Variants in NLK observed in about 807,000 individuals in gnomAD.
NLK encodes serine/threonine-protein kinase NLK.
Under a neutral mutation model 59.0 loss-of-function variants are expected in NLK, and 11 were observed. That is an observed-to-expected ratio of 0.19 (90% CI 0.12 to 0.31). The LOEUF (loss-of-function observed/expected upper bound fraction) is 0.31, where lower values mean the gene tolerates loss of function less well. Among genes scored for constraint, NLK ranks in the 10% least tolerant of loss-of-function variants. The probability of loss-of-function intolerance (pLI) is 1.00; values close to 1 mark genes in which losing one functional copy is unlikely to be tolerated. For missense variants in NLK, 410 were observed against 661.1 expected (o/e 0.62, Z 4.16); for synonymous variants, 235 against 235.9 (o/e 1.00, Z 0.03).
chr17:28,053,500 C>G (rs1909332445), intron 1 of NLK, among the ~76,000 whole-genome samples: 1 of 152,078 alleles, frequency 6.6e-6, no homozygotes, highest in Non-Finnish European at 1.5e-5. Context: ...TCTTTTTATC[C>G]TCTCCGTATT....
intron 1 of NLK, among the ~76,000 whole-genome samples, chr17:28,043,841 A>C (rs1277740552): frequency 2.0e-5 from 3 of 152,220 alleles, no homozygotes; most frequent in Non-Finnish European, 2.9e-5. Flanking sequence ...TCATAGTTGA[A>C]CCAGTTAAGA....
intron 2 of NLK, among the ~76,000 whole-genome samples, chr17:28,129,311 G>T (rs1424158649): frequency 1.3e-5 from 2 of 152,078 alleles, no homozygotes; most frequent in Non-Finnish European, 1.5e-5. Context: ...AAGTTAGCCG[G>T]GCATGGTGGC....
chr17:28,168,314 T>G lies in NLK; in HGVS notation c.838-134T>G, dbSNP rs1242110317. 8.7e-4 allele frequency: 559 copies of G among 642,790 alleles called. 5 individuals carry two copies. The highest frequency in any genetic ancestry group is 1.9e-4 in the Non-Finnish European group (69 of 365,170). 39.8% of individuals were successfully genotyped at this position (642,790 alleles called of 1,614,324 possible). Reference sequence around the variant, plus strand: ...TTGTGCCACTGCACTCCAGCCTGGGTGACAGAGTGAGACTCCATCTCAAAA... The same window carrying G: ...TTGTGCCACTGCACTCCAGCCTGGGGGACAGAGTGAGACTCCATCTCAAAA... On this transcript the variant is annotated intron_variant, in intron 5 of 10. Transcript: ENST00000407008.
intron 3 of NLK, among the ~76,000 whole-genome samples, chr17:28,152,760 A>G (rs1907534374): frequency 6.6e-6 from 1 of 151,884 alleles, no homozygotes; most frequent in African/African-American, 2.4e-5. Flanking sequence ...AGTAGCCGGG[A>G]CTACAGGTGC....
chr17:28,115,091 G>A (rs997036355), intron 1 of NLK, among the ~76,000 whole-genome samples: 2 of 152,178 alleles, frequency 1.3e-5, no homozygotes, highest in African/African-American at 4.8e-5. Context: ...AGTGAGGCTA[G>A]TTCTGCAAGT....
Position 28,172,460 on chromosome 17 carries a change from G to A in NLK, c.1048-57G>A, listed in dbSNP as rs1908502281. 4.2e-6 allele frequency: 5 copies of A among 1,202,584 alleles called. No individual in the cohort carries two copies. In the South Asian group the frequency reaches 5.0e-5, roughly 12 times the overall value. The allele number at this position is 1,202,584 out of a possible 1,614,324, so 74.5% of individuals were successfully genotyped here. A position where few individuals can be genotyped will look rare whatever the true frequency, so the allele number is the denominator to read the frequency against. On this transcript the variant is annotated intron_variant, in intron 6 of 10. Coordinates refer to ENST00000407008, the MANE Select transcript of NLK (RefSeq NM_016231.5). Reference sequence around the variant, plus strand: ...ACTTCTCTAAGGCTATGATTTAAGAGTAATGAAAAGTTATTTCCATGAGAT... The same window carrying A: ...ACTTCTCTAAGGCTATGATTTAAGAATAATGAAAAGTTATTTCCATGAGAT...
At chr17:28,169,077 G>C (rs531477678) in intron 6 of NLK, among the ~76,000 whole-genome samples, 5 of 151,850 alleles carry the variant, frequency 3.3e-5, no homozygotes, top group Non-Finnish European at 5.9e-5. Context: ...GTAGAGACAG[G>C]GTTTTGCTGT....
intron 1 of NLK, among the ~76,000 whole-genome samples, chr17:28,084,159 ACTATGAACAC>A (rs1471349037): frequency 3.9e-5 from 6 of 152,196 alleles, no homozygotes; most frequent in Non-Finnish European, 8.8e-5. Context: ...TAGTTGCGTG[ACTATGAACAC>A]CTTCTTTTAA....
At chr17:28,086,075 C>A (rs1910507583) in intron 1 of NLK, among the ~76,000 whole-genome samples, 1 of 152,116 alleles carries the variant, frequency 6.6e-6, no homozygotes, top group Non-Finnish European at 1.5e-5. Flanking sequence ...ACATTTTTCC[C>A]CCAAACCAGT....
intron 1 of NLK, among the ~76,000 whole-genome samples, chr17:28,049,614 C>G (rs748437841): frequency 4.3e-4 from 65 of 152,122 alleles, no homozygotes; most frequent in Non-Finnish European, 7.6e-4. Context: ...TGAAACATGC[C>G]TACTCTCAGG....
In NLK at chr17:28,190,901, G is replaced by A. The variant is rs371287805; in HGVS notation, c.1237-120G>A. ...TAAATTCAATTATCCCTCTTTGGAC[G>A]GGATGTACTATAAATTATATATATG... is the stretch of plus-strand genomic sequence containing the variant. On this transcript the variant is annotated intron_variant, in intron 8 of 10. Coordinates refer to ENST00000407008, the MANE Select transcript of NLK (RefSeq NM_016231.5). 1.3e-4 allele frequency: 82 copies of A among 652,264 alleles called. 1 individual carries two copies. In the African/African-American group the frequency reaches 1.3e-3, roughly 10 times the overall value. The allele number at this position is 652,264 out of a possible 1,614,324, so 40.4% of individuals were successfully genotyped here. A position where few individuals can be genotyped will look rare whatever the true frequency, so the allele number is the denominator to read the frequency against.
chr17:28,168,749 ACTGT>A, intron 6 of NLK, 92 bp downstream of exon 6: 1 of 970,524 alleles, frequency 1.0e-6, no homozygotes, highest in Non-Finnish European at 1.6e-6. Flanking sequence ...TATTCATTAT[ACTGT>A]CTAATTTGCT....
At chr17:28,087,638 G>A (rs1910558058) in intron 1 of NLK, among the ~76,000 whole-genome samples, 1 of 152,232 alleles carries the variant, frequency 6.6e-6, no homozygotes, top group South Asian at 2.1e-4. Flanking sequence ...TAGAATATAT[G>A]TAGAAGAGAA....
At chr17:28,167,774 G>T (rs1908300479) in intron 5 of NLK, among the ~76,000 whole-genome samples, 1 of 151,540 alleles carries the variant, frequency 6.6e-6, no homozygotes. Flanking sequence ...GGTGGGAGGA[G>T]CCTCAGATCG....
chr17:28,178,982 A>G (rs192627231), intron 7 of NLK, among the ~76,000 whole-genome samples: 80 of 152,324 alleles, frequency 5.3e-4, no homozygotes, highest in Admixed American at 2.7e-3. Context: ...ACTCTGGCAT[A>G]TCATTTAGGG....
chr17:28,161,344 G>T, intron 4 of NLK, 78 bp downstream of exon 4: 2 of 752,416 alleles, frequency 2.7e-6, no homozygotes. Flanking sequence ...ACTTTAATCC[G>T]ATCTTCCAAG....
At chr17:28,099,895 A>G (rs1359667458) in intron 1 of NLK, among the ~76,000 whole-genome samples, 1 of 151,990 alleles carries the variant, frequency 6.6e-6, no homozygotes, top group African/African-American at 2.4e-5. Context: ...TTTTTTACTT[A>G]GCATAATGTT....
At chr17:28,092,683 T>C (rs1191166892) in intron 1 of NLK, among the ~76,000 whole-genome samples, 1 of 152,142 alleles carries the variant, frequency 6.6e-6, no homozygotes, top group East Asian at 1.9e-4. Context: ...GGGGAGATAA[T>C]AGTCAAACAA....
At chr17:28,120,320 C>G (rs960992182) in intron 1 of NLK, among the ~76,000 whole-genome samples, 1 of 151,242 alleles carries the variant, frequency 6.6e-6, no homozygotes, top group African/African-American at 2.4e-5. Context: ...GTTGCCTAGA[C>G]TGGTCTCAAA....
Sources: allele counts gnomAD v4.1 joint callset (sites outside exome capture counted in the v4.1 genomes callset), GRCh38; gene constraint gnomAD v4.1.1; transcripts MANE v1.5; gene names NCBI Gene and HGNC (gene_info 2026-07-23, HGNC 2026-07-21).